The following PTPRD variants were observed in gnomAD, a reference collection of about 807,000 sequenced individuals.
PTPRD encodes the protein receptor-type tyrosine-protein phosphatase delta.
Under a neutral mutation model 214.5 loss-of-function variants are expected in PTPRD, and 34 were observed. The observed-to-expected ratio is 0.16, with a 90% CI of 0.12 to 0.21. The LOEUF is 0.21. PTPRD is among the 10% of genes least tolerant of loss of function. The probability of loss-of-function intolerance (pLI) is 1.00; values close to 1 mark genes in which losing one functional copy is unlikely to be tolerated. For missense variants in PTPRD, 2,545 were observed against 2,398.7 expected, an observed-to-expected ratio of 1.06 and a Z score of -1.27; for synonymous variants, 1,128 against 845.7, an observed-to-expected ratio of 1.33 and a Z score of -5.79.
rs974844864 is a variant in PTPRD, at chr9:10,162,751, A to G, written c.-544-128961T>C. Among the ~76,000 whole-genome samples the G allele has an allele frequency of 1.4e-4, 21 of 147,522 alleles. 1 individual carries two copies. Among genetic ancestry groups the G allele is most frequent in the African/African-American group, 5.2e-4 (21 of 40,680 alleles). On this transcript the variant is annotated intron_variant, in intron 3 of 45. Transcript: ENST00000381196. ...CATGTACATATATATATACATATAC[A>G]TATATATAAATATATATGGAGCTGG...
intron 9 of PTPRD, among the ~76,000 whole-genome samples, chr9:9,188,709 G>C (rs1480077035): frequency 6.6e-6 from 1 of 152,028 alleles, no homozygotes; most frequent in Admixed American, 6.6e-5. Flanking sequence ...GAAGTAGGGA[G>C]ATCCTTGAAG....
intron 4 of PTPRD, among the ~76,000 whole-genome samples, chr9:9,975,104 T>A (rs981072401): frequency 6.8e-6 from 1 of 148,070 alleles, no homozygotes; most frequent in African/African-American, 2.7e-5. Flanking sequence ...GTTAGCACTG[T>A]CTTTCTGTAA....
chr9:9,086,648 C>G (rs1226657418), intron 10 of PTPRD, among the ~76,000 whole-genome samples: 1 of 152,174 alleles, frequency 6.6e-6, no homozygotes, highest in Non-Finnish European at 1.5e-5. Context: ...ATATAGGTGG[C>G]TGAATTCTGT....
At chr9:9,489,397 G>A (rs539866329) in intron 8 of PTPRD, among the ~76,000 whole-genome samples, 2 of 151,920 alleles carry the variant, frequency 1.3e-5, no homozygotes, top group South Asian at 2.1e-4. Context: ...AGGAACAAAG[G>A]GACCATTCAA....
intron 2 of PTPRD, among the ~76,000 whole-genome samples, chr9:10,345,844 C>T (rs141338962): frequency 6.6e-6 from 1 of 152,144 alleles, no homozygotes; most frequent in Non-Finnish European, 1.5e-5. Flanking sequence ...CGCCACATGT[C>T]TTCCACATGC....
intron 2 of PTPRD, among the ~76,000 whole-genome samples, chr9:10,595,534 C>T (rs1377087435): frequency 2.0e-5 from 3 of 151,548 alleles, no homozygotes; most frequent in Non-Finnish European, 4.4e-5. Flanking sequence ...CAAGTGGGTT[C>T]TTTTTGGCGG....
intron 8 of PTPRD, among the ~76,000 whole-genome samples, chr9:9,460,971 A>C (rs2093604373): frequency 6.6e-6 from 1 of 152,102 alleles, no homozygotes; most frequent in Non-Finnish European, 1.5e-5. Context: ...GTATAAATAC[A>C]CCATGGAATA....
At chr9:10,462,886 T>C (rs531302210) in intron 2 of PTPRD, among the ~76,000 whole-genome samples, 44 of 150,964 alleles carry the variant, frequency 2.9e-4, no homozygotes, top group African/African-American at 1.0e-3. Context: ...ATAATTATCT[T>C]AAATTTATGT....
intron 11 of PTPRD, among the ~76,000 whole-genome samples, chr9:8,752,095 C>T (rs1034392745): frequency 6.6e-6 from 1 of 152,122 alleles, no homozygotes; most frequent in African/African-American, 2.4e-5. Flanking sequence ...GATGTGTGAA[C>T]CAGAGCAACT....
intron 5 of PTPRD, among the ~76,000 whole-genome samples, chr9:9,886,752 G>C (rs2071085068): frequency 6.6e-6 from 1 of 152,124 alleles, no homozygotes; most frequent in Non-Finnish European, 1.5e-5. Context: ...CATCTTGTTT[G>C]CTGGAACACT....
chr9:10,073,440 G>C (rs936349716), intron 3 of PTPRD, among the ~76,000 whole-genome samples: 2 of 152,092 alleles, frequency 1.3e-5, no homozygotes, highest in African/African-American at 2.4e-5. Flanking sequence ...GGAGCCTACA[G>C]AGACATGATA....
intron 2 of PTPRD, among the ~76,000 whole-genome samples, chr9:10,422,646 A>G (rs1262450742): frequency 6.6e-6 from 1 of 152,118 alleles, no homozygotes; most frequent in Non-Finnish European, 1.5e-5. Flanking sequence ...TGGGCAAAGG[A>G]TATGAACACA....
At chr9:10,346,660 T>G (rs1297425434) in intron 2 of PTPRD, among the ~76,000 whole-genome samples, 1 of 152,112 alleles carries the variant, frequency 6.6e-6, no homozygotes, top group African/African-American at 2.4e-5. Flanking sequence ...CAGATTCGAG[T>G]TGTAGATAAT....
intron 11 of PTPRD, among the ~76,000 whole-genome samples, chr9:8,912,464 G>A (rs190505237): frequency 2.6e-4 from 40 of 152,204 alleles, no homozygotes; most frequent in African/African-American, 9.6e-4. Flanking sequence ...CAAACCTACG[G>A]AGACAGAAAA....
chr9:9,268,983 C>CA (rs147426403), intron 9 of PTPRD, among the ~76,000 whole-genome samples: 13,572 of 137,908 alleles, frequency 0.098, 648 homozygotes, highest in Middle Eastern at 0.21. Context: ...AAAGCACAGG[C>CA]AAAAAAAAAA....
chr9:9,315,695 C>G (rs1471401090), intron 9 of PTPRD, among the ~76,000 whole-genome samples: 1 of 151,558 alleles, frequency 6.6e-6, no homozygotes, highest in African/African-American at 2.4e-5. Flanking sequence ...GTAGAATATT[C>G]CTTGCCAGTA....
chr9:10,259,604 TC>T (rs1274267073), intron 3 of PTPRD, among the ~76,000 whole-genome samples: 1 of 152,190 alleles, frequency 6.6e-6, no homozygotes, highest in Non-Finnish European at 1.5e-5. Flanking sequence ...GATTTTTTTT[TC>T]AATCGATTAA....
Position 10,538,466 on chromosome 9 carries a change from G to A in PTPRD, c.-600+73932C>T, listed in dbSNP as rs183914422. Among the ~76,000 whole-genome samples, 8 of 151,824 alleles carry A rather than the reference G, an allele frequency of 5.3e-5. No individual in the cohort carries two copies. In the South Asian group the frequency reaches 8.3e-4, roughly 16 times the overall value. ...TCAATTATTTTCAGGAGCTTTCTTC[G>A]GTTAATCCCTCTCTCTATATATACA... is the stretch of plus-strand genomic sequence containing the variant. On this transcript the variant is annotated intron_variant, in intron 2 of 45. Transcript: ENST00000381196.
chr9:9,894,714 T>C (rs2074455541), intron 5 of PTPRD, among the ~76,000 whole-genome samples: 1 of 152,100 alleles, frequency 6.6e-6, no homozygotes, highest in Non-Finnish European at 1.5e-5. Context: ...AATATCTCTC[T>C]TTTTTATTAT....
Sources: allele counts gnomAD v4.1 joint callset (sites outside exome capture counted in the v4.1 genomes callset), GRCh38; gene constraint gnomAD v4.1.1; transcripts MANE v1.5; gene names NCBI Gene and HGNC (gene_info 2026-07-23, HGNC 2026-07-21).